SLC67A2: variants seen among roughly 807,000 people sequenced by gnomAD.
SLC67A2 encodes solute carrier family 67 member A2.
At chr2:102,736,856 C>T in the SLC67A2 span, 1 of 1,547,802 alleles carries the variant, frequency 6.5e-7, no homozygotes, top group Non-Finnish European at 8.7e-7. Flanking sequence ...CGCGGACCTA[C>T]CCCGGGAGCC....
At chr2:102,735,846 G>GCA in the SLC67A2 span, among the ~76,000 whole-genome samples, 47,997 of 149,422 alleles carry the variant, frequency 0.32, 7,819 homozygotes, top group East Asian at 0.54. Context: ...ACGCGCGCGC[G>GCA]CACACACACA....
chr2:102,715,132 C>A, the SLC67A2 span, among the ~76,000 whole-genome samples: 3 of 152,308 alleles, frequency 2.0e-5, no homozygotes, highest in African/African-American at 7.2e-5. Context: ...AAAGTTACTG[C>A]CCCAAAGTCC....
chr2:102,727,318 T>A, the SLC67A2 span, among the ~76,000 whole-genome samples: 1 of 152,308 alleles, frequency 6.6e-6, no homozygotes, highest in African/African-American at 2.4e-5. Context: ...ACTCTTCAGA[T>A]ACCATGTACA....
chr2:102,727,711 A>AT, the SLC67A2 span, among the ~76,000 whole-genome samples: 34 of 152,030 alleles, frequency 2.2e-4, 1 homozygote, highest in African/African-American at 5.3e-4. Flanking sequence ...CTATGCAGGC[A>AT]TTTTTTTTAG....
chr2:102,729,021 C>A, the SLC67A2 span, among the ~76,000 whole-genome samples: 1 of 152,072 alleles, frequency 6.6e-6, no homozygotes, highest in South Asian at 2.1e-4. Context: ...TTAGCCAAAT[C>A]TGACAGAATA....
At chr2:102,722,074 T>C in the SLC67A2 span, among the ~76,000 whole-genome samples, 1 of 152,248 alleles carries the variant, frequency 6.6e-6, no homozygotes, top group African/African-American at 2.4e-5. Context: ...TCATGGAGTC[T>C]GCCTACTGAT....
At chr2:102,723,671 A>G in the SLC67A2 span, 2 of 1,603,220 alleles carry the variant, frequency 1.2e-6, no homozygotes, top group Non-Finnish European at 8.5e-7. Flanking sequence ...TGAATACACA[A>G]AACAATCTTC....
At chr2:102,723,604 A>C in the SLC67A2 span, 1 of 1,245,882 alleles carries the variant, frequency 8.0e-7, no homozygotes, top group African/African-American at 1.5e-5. Flanking sequence ...GAGTCTGTCT[A>C]TTCTGATAAA....
At chr2:102,729,376 A>G in the SLC67A2 span, among the ~76,000 whole-genome samples, 4,673 of 152,334 alleles carry the variant, frequency 0.031, 207 homozygotes, top group African/African-American at 0.1. Context: ...GTATCTCAGG[A>G]AGACCAGAGT....
At chr2:102,726,947 G>C in the SLC67A2 span, 23 of 1,613,318 alleles carry the variant, frequency 1.4e-5, no homozygotes, top group Admixed American at 5.0e-5. Context: ...AAGGAAGACC[G>C]TCTTCCCACT....
At chr2:102,735,932 C>T in the SLC67A2 span, among the ~76,000 whole-genome samples, 3 of 152,110 alleles carry the variant, frequency 2.0e-5, no homozygotes, top group Non-Finnish European at 2.9e-5. Flanking sequence ...GGGTACAATT[C>T]ACTCTGATCT....
the SLC67A2 span, among the ~76,000 whole-genome samples, chr2:102,730,313 T>C: frequency 6.6e-6 from 1 of 152,270 alleles, no homozygotes; most frequent in South Asian, 2.1e-4. Flanking sequence ...GCCTCCTGAG[T>C]AGCTGGGACT....
chr2:102,727,425 C>G, the SLC67A2 span, among the ~76,000 whole-genome samples: 1 of 152,170 alleles, frequency 6.6e-6, no homozygotes, highest in Non-Finnish European at 1.5e-5. Context: ...AGTGGTCATA[C>G]AATATGCTCT....
At chr2:102,725,564 A>G in the SLC67A2 span, among the ~76,000 whole-genome samples, 1 of 152,124 alleles carries the variant, frequency 6.6e-6, no homozygotes, top group Non-Finnish European at 1.5e-5. Flanking sequence ...CACCAAAGAC[A>G]ATAAACTCAA....
chr2:102,736,147 T>C, the SLC67A2 span, among the ~76,000 whole-genome samples: 2 of 152,162 alleles, frequency 1.3e-5, no homozygotes, highest in Non-Finnish European at 2.9e-5. Context: ...CTGATCTGCA[T>C]TTTTTAATAT....
chr2:102,732,228 T>C, the SLC67A2 span: 1 of 1,075,376 alleles, frequency 9.3e-7, no homozygotes, highest in Admixed American at 1.8e-5. Context: ...TACCTTTGGA[T>C]AATATTTGGA....
the SLC67A2 span, chr2:102,726,807 G>A: frequency 6.6e-7 from 1 of 1,523,478 alleles, no homozygotes; most frequent in Non-Finnish European, 8.7e-7. Context: ...TCTGGGGGAA[G>A]CTACGTTTGA....
At chr2:102,736,511 T>C in the SLC67A2 span, 1 of 1,576,264 alleles carries the variant, frequency 6.3e-7, no homozygotes, top group Non-Finnish European at 8.6e-7. Context: ...GAGAGCTTGA[T>C]AGGTAGTGAG....
chr2:102,722,802 T>G, the SLC67A2 span, among the ~76,000 whole-genome samples: 1 of 151,988 alleles, frequency 6.6e-6, no homozygotes. Context: ...TGCACAGCAA[T>G]GGAAACAAAT....
Sources: gnomAD v4.1 joint callset for allele counts (sites outside exome capture counted in the v4.1 genomes callset) on GRCh38, gnomAD v4.1.1 for gene constraint, MANE v1.5 for transcripts, NCBI Gene and HGNC (gene_info 2026-07-23, HGNC 2026-07-21) for gene names.